Variants in PDS5B observed in about 807,000 individuals in gnomAD.
PDS5B encodes sister chromatid cohesion protein PDS5 homolog B.
A neutral mutation model predicts 184.1 loss-of-function variants in PDS5B; 51 were observed. The observed-to-expected ratio is 0.28, with a 90% CI of 0.22 to 0.35. The LOEUF (loss-of-function observed/expected upper bound fraction) is 0.35, where lower values mean the gene tolerates loss of function less well. Among genes scored for constraint, PDS5B ranks in the 10% least tolerant of loss-of-function variants. The pLI is 1.00. For synonymous variants in PDS5B, 566 were observed against 569.2 expected (o/e 0.99, Z 0.08); for missense variants, 1,180 against 1,723.3 (o/e 0.68, Z 5.58).
chr13:32,740,998 C>A, intron 21 of PDS5B, 82 bp from the exon 22 acceptor site: 1 of 784,954 alleles, frequency 1.3e-6, no homozygotes, highest in East Asian at 2.5e-5. Context: ...AGATTTCATT[C>A]ATTTTCTAAG....
chr13:32,646,620 C>T (rs1950234751), intron 1 of PDS5B, among the ~76,000 whole-genome samples: 1 of 151,086 alleles, frequency 6.6e-6, no homozygotes, highest in Non-Finnish European at 1.5e-5. Context: ...TTAGTGTTTG[C>T]ATGACATAAT....
intron 19 of PDS5B, among the ~76,000 whole-genome samples, chr13:32,718,600 A>G (rs537404379): frequency 2.6e-5 from 4 of 152,350 alleles, no homozygotes; most frequent in Non-Finnish European, 4.4e-5. Flanking sequence ...ATACCACACT[A>G]TCTCTGCTAT....
chr13:32,761,606 T>A (rs139580564), intron 30 of PDS5B, among the ~76,000 whole-genome samples: 9 of 152,314 alleles, frequency 5.9e-5, no homozygotes, highest in African/African-American at 1.9e-4. Context: ...TGCTCAGGAC[T>A]GTGGCCTTCT....
intron 17 of PDS5B, among the ~76,000 whole-genome samples, chr13:32,704,131 T>C (rs1951939396): frequency 6.6e-6 from 1 of 152,184 alleles, no homozygotes; most frequent in South Asian, 2.1e-4. Flanking sequence ...TTTACATCTG[T>C]AATTAGTCTG....
At chr13:32,718,191 C>T (rs1952545775) in intron 19 of PDS5B, among the ~76,000 whole-genome samples, 1 of 151,320 alleles carries the variant, frequency 6.6e-6, no homozygotes, top group Non-Finnish European at 1.5e-5. Flanking sequence ...CGCTCTGTCG[C>T]CCAGGCTGGA....
intron 8 of PDS5B, among the ~76,000 whole-genome samples, chr13:32,675,089 T>C (rs972086778): frequency 6.6e-6 from 1 of 152,104 alleles, no homozygotes; most frequent in Non-Finnish European, 1.5e-5. Flanking sequence ...GTTGTGGCAT[T>C]GGTTTAAAAT....
intron 24 of PDS5B, among the ~76,000 whole-genome samples, chr13:32,752,227 A>G (rs1184018368): frequency 6.6e-6 from 1 of 152,188 alleles, no homozygotes; most frequent in Non-Finnish European, 1.5e-5. Context: ...GTATATTGTT[A>G]TACTTGTTCT....
intron 3 of PDS5B, among the ~76,000 whole-genome samples, chr13:32,656,795 C>G (rs570814274): frequency 1.3e-5 from 2 of 152,018 alleles, no homozygotes; most frequent in Admixed American, 1.3e-4. Context: ...TGGGGTTTTG[C>G]CATGTTGGCC....
intron 1 of PDS5B, among the ~76,000 whole-genome samples, chr13:32,612,979 G>A (rs766271078): frequency 1.3e-5 from 2 of 152,188 alleles, no homozygotes; most frequent in African/African-American, 2.4e-5. Context: ...TGCCTATTCT[G>A]AACATTGCGT....
At chr13:32,670,301 C>T (rs1424946602) in intron 7 of PDS5B, among the ~76,000 whole-genome samples, 1 of 152,174 alleles carries the variant, frequency 6.6e-6, no homozygotes, top group Admixed American at 6.5e-5. Context: ...ACTGCAACCT[C>T]TGCCTCTGAG....
chr13:32,756,584 C>T (rs898812404), intron 26 of PDS5B, among the ~76,000 whole-genome samples: 6 of 152,118 alleles, frequency 3.9e-5, no homozygotes, highest in Non-Finnish European at 5.9e-5. Flanking sequence ...TAAATAAGCT[C>T]GAGACCCTGG....
chr13:32,640,388 A>C (rs573157257), intron 1 of PDS5B, among the ~76,000 whole-genome samples: 1 of 152,192 alleles, frequency 6.6e-6, no homozygotes, highest in Non-Finnish European at 1.5e-5. Flanking sequence ...TTGAGACTAC[A>C]GGCATGCGCC....
chr13:32,660,064 A>G (rs1950603690), intron 6 of PDS5B, among the ~76,000 whole-genome samples: 1 of 152,168 alleles, frequency 6.6e-6, no homozygotes, highest in Non-Finnish European at 1.5e-5. Flanking sequence ...TATTAAATAA[A>G]ATCTACAGGT....
At chr13:32,753,290 G>A in intron 24 of PDS5B, 42 bp from the exon 25 acceptor site, 2 of 1,510,098 alleles carry the variant, frequency 1.3e-6, no homozygotes, top group Non-Finnish European at 1.8e-6. Flanking sequence ...GTTACTCTTT[G>A]CTGCCATTTG....
intron 24 of PDS5B, among the ~76,000 whole-genome samples, chr13:32,749,116 A>G (rs1248491171): frequency 6.6e-6 from 1 of 152,178 alleles, no homozygotes; most frequent in Non-Finnish European, 1.5e-5. Context: ...TTTTAACCCA[A>G]ATGTACGCTT....
chr13:32,745,543 A>G (rs527885555), intron 23 of PDS5B, among the ~76,000 whole-genome samples: 1 of 152,328 alleles, frequency 6.6e-6, no homozygotes, highest in East Asian at 1.9e-4. Context: ...CTGCTGTAAT[A>G]AAATACCAGG....
intron 1 of PDS5B, among the ~76,000 whole-genome samples, chr13:32,623,419 C>G (rs138344613): frequency 6.6e-6 from 1 of 152,076 alleles, no homozygotes; most frequent in East Asian, 1.9e-4. Flanking sequence ...GCCTTGTGTT[C>G]GTTATACAAA....
At chr13:32,625,838 CT>C (rs67536326) in intron 1 of PDS5B, among the ~76,000 whole-genome samples, 50,210 of 131,138 alleles carry the variant, frequency 0.38, 8,462 homozygotes, top group African/African-American at 0.46. Context: ...GACCAGTATT[CT>C]TTTTTTTTTT....
intron 21 of PDS5B, among the ~76,000 whole-genome samples, chr13:32,738,205 T>C (rs966531431): frequency 6.6e-6 from 1 of 152,210 alleles, no homozygotes; most frequent in Admixed American, 6.5e-5. Context: ...CTGCTACATA[T>C]GAGCAAGAAT....
Sources: gnomAD v4.1 joint callset for allele counts (sites outside exome capture counted in the v4.1 genomes callset) on GRCh38, gnomAD v4.1.1 for gene constraint, MANE v1.5 for transcripts, NCBI Gene and HGNC (gene_info 2026-07-23, HGNC 2026-07-21) for gene names.